SLC22A23: variants seen among roughly 807,000 people sequenced by gnomAD.
SLC22A23 encodes solute carrier family 22 member 23, also known as ion transporter protein.
In SLC22A23, 26 loss-of-function variants were observed where a neutral mutation model predicts 61.0. The ratio of observed to expected loss-of-function variants is 0.43; its 90% CI spans 0.31 to 0.59. SLC22A23 has a LOEUF of 0.59. Ranked by LOEUF, SLC22A23 falls within the 20% of genes least tolerant of loss-of-function variation. SLC22A23 has a pLI of 0.11. For synonymous variants in SLC22A23, 430 were observed against 413.9 expected (o/e 1.04, Z -0.47); for missense variants, 796 against 934.7 (o/e 0.85, Z 1.94).
rs778784821 is a variant in SLC22A23 at position 3,317,235 on chromosome 6, G to A, written c.1082+6599C>T. Among the ~76,000 whole-genome samples, 1 of 152,180 alleles carries A rather than the reference G, an allele frequency of 6.6e-6. No individual in the cohort carries two copies. The highest frequency in any genetic ancestry group is 1.5e-5 in the Non-Finnish European group (1 of 68,050). On this transcript the variant is annotated intron_variant, in intron 4 of 9. Coordinates refer to ENST00000406686, the MANE Select transcript of SLC22A23 (RefSeq NM_015482.2). The surrounding 1 kb of genome is among the most constrained non-coding windows in gnomAD (Gnocchi z 4.4). Reference sequence around the variant, plus strand: ...GGATGTTCTAACGTAACGTAGACCTGGACCTCCAAACACAAGACCAGGCTG... The same window carrying A: ...GGATGTTCTAACGTAACGTAGACCTAGACCTCCAAACACAAGACCAGGCTG...
At chr6:3,391,994 T>A (rs1329528863) in intron 3 of SLC22A23, among the ~76,000 whole-genome samples, 1 of 152,162 alleles carries the variant, frequency 6.6e-6, no homozygotes, top group African/African-American at 2.4e-5. Context: ...CAAGATAGCA[T>A]GGACTGCAGT....
chr6:3,439,680 A>G (rs6931180), intron 1 of SLC22A23, among the ~76,000 whole-genome samples: 8,147 of 152,256 alleles, frequency 0.054, 743 homozygotes, highest in African/African-American at 0.19. Flanking sequence ...AAATGAGAGC[A>G]AAACCCTTTC....
chr6:3,407,593 C>G (rs901611915), intron 3 of SLC22A23, among the ~76,000 whole-genome samples: 1 of 152,260 alleles, frequency 6.6e-6, no homozygotes, highest in Non-Finnish European at 1.5e-5. Flanking sequence ...AATATCTCAA[C>G]AAACTCCGAG....
At chr6:3,284,528 G>C (rs1004952779) in intron 8 of SLC22A23, among the ~76,000 whole-genome samples, 1 of 152,202 alleles carries the variant, frequency 6.6e-6, no homozygotes, top group Non-Finnish European at 1.5e-5. Context: ...CATACAGCTG[G>C]GGCTCAGCTC....
At chr6:3,401,199 G>T (rs530713876) in intron 3 of SLC22A23, among the ~76,000 whole-genome samples, 4 of 152,270 alleles carry the variant, frequency 2.6e-5, no homozygotes, top group African/African-American at 9.6e-5. Flanking sequence ...AAAATTAGCC[G>T]GGCGTGGTGG....
intron 1 of SLC22A23, among the ~76,000 whole-genome samples, chr6:3,439,058 C>T (rs754050390): frequency 3.4e-5 from 5 of 147,752 alleles, no homozygotes; most frequent in East Asian, 3.9e-4. Flanking sequence ...TCAAACTTGC[C>T]GTATTTGGGG....
intron 2 of SLC22A23, among the ~76,000 whole-genome samples, chr6:3,412,283 C>G (rs1026195771): frequency 1.3e-5 from 2 of 152,186 alleles, no homozygotes; most frequent in African/African-American, 4.8e-5. Context: ...GTCTACAGGG[C>G]AAACACTGTC....
At chr6:3,429,928 T>C (rs1238545285) in intron 1 of SLC22A23, among the ~76,000 whole-genome samples, 1 of 152,200 alleles carries the variant, frequency 6.6e-6, no homozygotes, top group Non-Finnish European at 1.5e-5. Flanking sequence ...TTCATGGGGA[T>C]ATAGCTTCAG....
chr6:3,316,502 C>T (rs533872207), intron 4 of SLC22A23, among the ~76,000 whole-genome samples: 20 of 152,318 alleles, frequency 1.3e-4, no homozygotes, highest in African/African-American at 3.4e-4. Context: ...TCCATGAGGG[C>T]GGGACTGTCT....
At position 3,322,480 on chromosome 6, in the gene SLC22A23, C is replaced by T. The variant is rs115819100; in HGVS notation, c.1082+1354G>A. ...GCTGTCCTGGAACACGGTTGTGCTG[C>T]GGGAGGGGTTTGGACATCCAACTTC... is the stretch of plus-strand genomic sequence containing the variant. On this transcript the variant is annotated intron_variant, in intron 4 of 9. Transcript: ENST00000406686. The surrounding 1 kb of genome is among the most constrained non-coding windows in gnomAD (Gnocchi z 4.1). Among the ~76,000 whole-genome samples, 502 of 152,296 alleles carry T rather than the reference C, an allele frequency of 3.3e-3. 6 individuals carry two copies. Among genetic ancestry groups the T allele is most frequent in the African/African-American group, 0.011 (476 of 41,542 alleles).
chr6:3,361,201 C>T (rs1765422147), intron 3 of SLC22A23, among the ~76,000 whole-genome samples: 1 of 151,206 alleles, frequency 6.6e-6, no homozygotes, highest in Non-Finnish European at 1.5e-5. Flanking sequence ...TGTCTTTCTA[C>T]TGAAAAAAAA....
chr6:3,323,298 G>A (rs1581690738), intron 4 of SLC22A23: 1 of 456,548 alleles, frequency 2.2e-6, no homozygotes, highest in Non-Finnish European at 4.4e-6. Flanking sequence ...TGAATAGCCA[G>A]AAAGCAGCCA....
At chr6:3,434,028 G>A (rs1363560146) in intron 1 of SLC22A23, among the ~76,000 whole-genome samples, 1 of 152,144 alleles carries the variant, frequency 6.6e-6, no homozygotes, top group Non-Finnish European at 1.5e-5. Context: ...TAAAAAATCT[G>A]TGAAAGCTGG....
rs988676699 is a variant in SLC22A23, at chr6:3,328,175, C to T, written c.914-4173G>A. Reference sequence around the variant, plus strand: ...CTCTTGGCAACTAGATATACTTTGTCGATAAGCAGAGAGATTACTGAGGGT... The same window carrying T: ...CTCTTGGCAACTAGATATACTTTGTTGATAAGCAGAGAGATTACTGAGGGT... On this transcript the variant is annotated intron_variant, in intron 3 of 9. Transcript: ENST00000406686. The surrounding 1 kb of genome is among the most constrained non-coding windows in gnomAD (Gnocchi z 5.0). 6.6e-6 allele frequency among the ~76,000 whole-genome samples: 1 copy of T among 151,138 alleles called. No homozygotes were observed. Among genetic ancestry groups the T allele is most frequent in the Non-Finnish European group, 1.5e-5 (1 of 67,910 alleles).
chr6:3,443,820 G>A (rs577653662), intron 1 of SLC22A23, among the ~76,000 whole-genome samples: 1 of 152,260 alleles, frequency 6.6e-6, no homozygotes, highest in East Asian at 1.9e-4. Flanking sequence ...TGTGTTGGCC[G>A]TTGCTTGACC....
rs927817471 is a variant in SLC22A23, at chr6:3,414,763, A to G, written c.758+989T>C. Among the ~76,000 whole-genome samples the G allele has an allele frequency of 6.6e-6, 1 of 152,012 alleles. No homozygotes were observed. Among genetic ancestry groups the G allele is most frequent in the African/African-American group, 2.4e-5 (1 of 41,366 alleles). On this transcript the variant is annotated intron_variant, in intron 2 of 9. Coordinates refer to ENST00000406686, the MANE Select transcript of SLC22A23 (RefSeq NM_015482.2). The surrounding 1 kb of genome is among the most constrained non-coding windows in gnomAD (Gnocchi z 5.1). ...AAAAAAATCCTTTAAAGATAAAAGA[A>G]TGTAAGCTGGGGAGACAGTTACACT...
chr6:3,370,363 G>A (rs1766131810), intron 3 of SLC22A23, among the ~76,000 whole-genome samples: 1 of 152,284 alleles, frequency 6.6e-6, no homozygotes, highest in Non-Finnish European at 1.5e-5. Context: ...CAGTGGGGGT[G>A]CATGTGCCTT....
At position 3,446,326 on chromosome 6, in the gene SLC22A23, C is replaced by T. The variant is rs529200654; in HGVS notation, c.654+9580G>A. On this transcript the variant is annotated intron_variant, in intron 1 of 9. Transcript: ENST00000406686. ...CAATGGCCCTCCAGCTCAGCCTTCT[C>T]ATCTAAACTGAAGGCTTGGACTAGA... Among the ~76,000 whole-genome samples the T allele has an allele frequency of 2.6e-5, 4 of 152,212 alleles. No individual in the cohort carries two copies. In the East Asian group the frequency reaches 5.8e-4, roughly 22 times the overall value.
chr6:3,329,732 G>T lies in SLC22A23; in HGVS notation c.914-5730C>A, dbSNP rs1389367980. ...CTCACGAAGCACTCGAGCGCACCTG[G>T]CTCATACTGAAGCCACGGAAGGCTT... On this transcript the variant is annotated intron_variant, in intron 3 of 9. Transcript: ENST00000406686. The surrounding 1 kb of genome is among the most constrained non-coding windows in gnomAD (Gnocchi z 4.8). Among the ~76,000 whole-genome samples the T allele has an allele frequency of 6.6e-6, 1 of 152,148 alleles. No individual in the cohort carries two copies. Among genetic ancestry groups the T allele is most frequent in the African/African-American group, 2.4e-5 (1 of 41,424 alleles).
Sources: allele counts gnomAD v4.1 joint callset (sites outside exome capture counted in the v4.1 genomes callset), GRCh38; gene constraint gnomAD v4.1.1; non-coding constraint Gnocchi (gnomAD v3.1); transcripts MANE v1.5; gene names NCBI Gene and HGNC (gene_info 2026-07-23, HGNC 2026-07-21).